P4HA3: variants seen among roughly 807,000 people sequenced by gnomAD.
P4HA3 encodes prolyl 4-hydroxylase subunit alpha 3, also known as prolyl 4-hydroxylase subunit alpha-3.
Under a neutral mutation model 66.7 loss-of-function variants are expected in P4HA3, and 60 were observed. The observed-to-expected ratio is 0.90, with a 90% CI of 0.73 to 1.12. The LOEUF is 1.12. P4HA3 is among the 50% of genes most tolerant of loss of function. P4HA3 has a pLI of 0.00. For synonymous variants in P4HA3, 263 were observed against 274.6 expected (o/e 0.96, Z 0.42); for missense variants, 683 against 685.8 (o/e 1.00, Z 0.05).
In P4HA3 at chr11:74,298,269, T is replaced by C; in HGVS notation, c.660A>G (p.Thr220=). The C allele has an allele frequency of 6.2e-7, 1 of 1,614,130 alleles. No individual in the cohort carries two copies. Among genetic ancestry groups the C allele is most frequent in the Non-Finnish European group, 8.5e-7 (1 of 1,179,996 alleles). ...LFRGSYGEWK[T]EDEASLEDAL... is the part of the protein sequence containing the mutation. ...CATCTTCTAGACTTGCCTCATCCTC[T>C]GTCTTCCACTCTCCGTAAGATCCTC... is the stretch of plus-strand genomic sequence containing the variant. The change falls in exon 4 of 13, where the codon ACA becomes ACG. Residue 220 remains threonine (T), a synonymous_variant. Coordinates refer to ENST00000331597, the MANE Select transcript of P4HA3 (RefSeq NM_182904.5).
intron 14 of P4HA3, among the ~76,000 whole-genome samples, chr11:74,261,621 C>A (rs1451151406): frequency 6.6e-6 from 1 of 152,182 alleles, no homozygotes; most frequent in Non-Finnish European, 1.5e-5. Flanking sequence ...ACTATTTTCA[C>A]ATATGTCAGT....
At chr11:74,277,199 T>C (rs1203607478) in intron 8 of P4HA3, 55 bp from the exon 9 acceptor site, 19 of 1,554,782 alleles carry the variant, frequency 1.2e-5, no homozygotes, top group Admixed American at 1.8e-5. Flanking sequence ...AATGACTAAA[T>C]GACGTCTCTG....
chr11:74,294,467 C>G (rs1861145645), intron 4 of P4HA3, among the ~76,000 whole-genome samples: 1 of 152,206 alleles, frequency 6.6e-6, no homozygotes, highest in African/African-American at 2.4e-5. Context: ...ATTCTCCATC[C>G]AGCTTTGTTC....
At chr11:74,253,653 C>A in intron 15 of P4HA3, 2 of 879,080 alleles carry the variant, frequency 2.3e-6, no homozygotes, top group Non-Finnish European at 3.7e-6. Flanking sequence ...CGAGATGTAC[C>A]AACCTTTTCA....
chr11:74,251,461 A>G (rs1293991133), intron 15 of P4HA3: 24 of 1,425,324 alleles, frequency 1.7e-5, no homozygotes, highest in Non-Finnish European at 2.1e-5. Flanking sequence ...TATCCCTGGC[A>G]AGGATAGTGG....
chr11:74,251,549 G>C, intron 15 of P4HA3: 1 of 1,534,764 alleles, frequency 6.5e-7, no homozygotes, highest in Non-Finnish European at 8.7e-7. Context: ...GGTGGGATGA[G>C]GGCACCGTAG....
intron 7 of P4HA3, among the ~76,000 whole-genome samples, chr11:74,282,683 GA>G (rs1464779650): frequency 1.3e-5 from 2 of 152,194 alleles, no homozygotes; most frequent in African/African-American, 4.8e-5. Flanking sequence ...GCAATGGGAA[GA>G]ACATGGGGCA....
chr11:74,277,114 T>A lies in P4HA3; in HGVS notation c.1206A>T (p.Lys402Asn). ...SAWLKDTVDP[K>N]LVTLNHRIAA... is the part of the protein sequence containing the mutation. ...CAATGCGGTGGTTGAGGGTCACCAG[T>A]TTTGGGTCAACAGTGTCCTTCAGCC... The change falls in exon 9 of 13, where the codon AAA becomes AAT. Residue 402 changes from lysine to asparagine, a missense_variant. Lys to Asn is a moderately conservative substitution (Grantham distance 94). Coordinates refer to ENST00000331597, the MANE Select transcript of P4HA3 (RefSeq NM_182904.5). The A allele has an allele frequency of 6.2e-7, 1 of 1,613,970 alleles. No individual in the cohort carries two copies. The highest frequency in any genetic ancestry group is 1.1e-5 in the South Asian group (1 of 91,072).
chr11:74,282,160 G>C (rs77289001), intron 7 of P4HA3, among the ~76,000 whole-genome samples: 4,836 of 150,702 alleles, frequency 0.032, 269 homozygotes, highest in African/African-American at 0.11. Flanking sequence ...AAACCCTAAG[G>C]AATCCCCCCC....
At chr11:74,291,116 T>C (rs564220686) in intron 4 of P4HA3, among the ~76,000 whole-genome samples, 1 of 152,308 alleles carries the variant, frequency 6.6e-6, no homozygotes, top group Non-Finnish European at 1.5e-5. Context: ...CCTCTTTTAT[T>C]TCCTTGAGCA....
Position 74,293,022 on chromosome 11 carries a change from ATCTG to A in P4HA3, c.718-3896_718-3893del, listed in dbSNP as rs1444704820. On this transcript the variant is annotated intron_variant, in intron 4 of 12. Transcript: ENST00000331597. ...TCCTTGTTAACTTTCTGTCTCATTG[ATCTG>A]TCTAATGTTGACAGTGGGGTGTTAA... is the stretch of plus-strand genomic sequence containing the variant. Among the ~76,000 whole-genome samples the A allele has an allele frequency of 5.3e-5, 8 of 152,214 alleles. No homozygotes were observed. In the East Asian group the frequency reaches 1.5e-3, roughly 29 times the overall value.
intron 8 of P4HA3, 140 bp from the exon 9 acceptor site, chr11:74,277,284 G>C: frequency 3.7e-5 from 40 of 1,076,450 alleles, no homozygotes; most frequent in Non-Finnish European, 5.2e-5. Context: ...GAGAGGGAGG[G>C]AAGACAGACA....
intron 15 of P4HA3, chr11:74,251,678 C>T (rs777709827): frequency 8.7e-6 from 14 of 1,613,748 alleles, no homozygotes; most frequent in African/African-American, 1.3e-5. Context: ...TTTCCTGATC[C>T]GGCACAGGTT....
intron 1 of P4HA3, 163 bp downstream of exon 1, chr11:74,311,249 A>G: frequency 1.2e-6 from 1 of 841,318 alleles, no homozygotes; most frequent in South Asian, 2.1e-5. Flanking sequence ...GCCACTCCCC[A>G]CCCCATGCCA....
At chr11:74,296,994 C>T (rs1431398367) in intron 4 of P4HA3, among the ~76,000 whole-genome samples, 1 of 144,858 alleles carries the variant, frequency 6.9e-6, no homozygotes, top group Non-Finnish European at 1.5e-5. Flanking sequence ...GGCAATAGCT[C>T]GATCTCTGCT....
chr11:74,277,152 A>T lies in P4HA3; in HGVS notation c.1176-8T>A. 6.2e-7 allele frequency: 1 copy of T among 1,609,488 alleles called. No individual in the cohort carries two copies. The highest frequency in any genetic ancestry group is 8.5e-7 in the Non-Finnish European group (1 of 1,177,222). The stretch of plus-strand genomic sequence containing the variant: ...GTGTCCTTCAGCCAGGCACTAAAAC[A>T]CACCACAGATTGAAGCATCAATGAT... On this transcript the variant is annotated splice_polypyrimidine_tract_variant and splice_region_variant and intron_variant, in intron 8 of 12. Transcript: ENST00000331597.
chr11:74,311,389 G>A (rs771963842), intron 1 of P4HA3, 23 bp downstream of exon 1: 5 of 1,477,580 alleles, frequency 3.4e-6, no homozygotes, highest in East Asian at 2.7e-5. Context: ...CCCCTCGGTC[G>A]CTCCCACTCG....
intron 12 of P4HA3, 84 bp from the exon 13 acceptor site, chr11:74,267,402 C>T (rs975017888): frequency 1.3e-5 from 19 of 1,510,158 alleles, no homozygotes; most frequent in South Asian, 1.0e-4. Context: ...CACTCATAGG[C>T]GCGTGTGAGT....
At chr11:74,272,263 A>G (rs1860230205) in intron 10 of P4HA3, among the ~76,000 whole-genome samples, 1 of 152,002 alleles carries the variant, frequency 6.6e-6, no homozygotes, top group Admixed American at 6.5e-5. Flanking sequence ...ATTTAAAATT[A>G]CTGGGCTCTT....
Sources: allele counts gnomAD v4.1 joint callset (sites outside exome capture counted in the v4.1 genomes callset), GRCh38; gene constraint gnomAD v4.1.1; transcripts MANE v1.5; gene names NCBI Gene and HGNC (gene_info 2026-07-23, HGNC 2026-07-21).